SRGAP3: variants seen among roughly 807,000 people sequenced by gnomAD.
SRGAP3 encodes SLIT-ROBO Rho GTPase activating protein 3.
SRGAP3 carries 39 observed loss-of-function variants against 121.1 expected under a neutral mutation model. That is an observed-to-expected ratio of 0.32 (90% CI 0.25 to 0.42). The LOEUF is 0.42. Ranked by LOEUF, SRGAP3 falls within the 10% of genes least tolerant of loss-of-function variation. SRGAP3 has a pLI of 1.00. For synonymous variants in SRGAP3, 601 were observed against 570.0 expected (o/e 1.05, Z -0.77); for missense variants, 1,213 against 1,470.6 (o/e 0.82, Z 2.86).
chr3:9,286,113 AACACACACACACACACACACACAC>A (rs34023408), intron 3 of SRGAP3, among the ~76,000 whole-genome samples: 2 of 134,988 alleles, frequency 1.5e-5, no homozygotes, highest in African/African-American at 2.8e-5. Context: ...CCCTATCTCA[AACACACACACACACACACACACAC>A]ACACACACAC....
chr3:9,181,657 C>T (rs372457181), intron 1 of SRGAP3, among the ~76,000 whole-genome samples: 27 of 152,268 alleles, frequency 1.8e-4, no homozygotes, highest in African/African-American at 5.5e-4. Context: ...GAGGGTACAA[C>T]GCATCATAAC....
chr3:9,069,154 T>G (rs1205724561), intron 4 of SRGAP3, among the ~76,000 whole-genome samples: 1 of 152,150 alleles, frequency 6.6e-6, no homozygotes, highest in Non-Finnish European at 1.5e-5. Flanking sequence ...TACCCCTTTC[T>G]CAACTGTAAA....
At chr3:9,312,371 G>A (rs543057316) in intron 3 of SRGAP3, among the ~76,000 whole-genome samples, 3 of 152,300 alleles carry the variant, frequency 2.0e-5, no homozygotes, top group East Asian at 3.9e-4. Flanking sequence ...TGGCCAGGCT[G>A]GTCTCAAACT....
chr3:9,206,012 C>T lies in SRGAP3; in HGVS notation c.67+42873G>A, dbSNP rs888509936. 2.0e-5 allele frequency among the ~76,000 whole-genome samples: 3 copies of T among 152,072 alleles called. No individual in the cohort carries two copies. The East Asian group carries it at 5.8e-4, about 29-fold the overall frequency. On this transcript the variant is annotated intron_variant, in intron 1 of 21. Transcript: ENST00000383836. Reference sequence around the variant, plus strand: ...CTAGTATTTAATGGGTGCAGAGTTTCATTTGGGGAAGATGAAAAAGTTCTG... The same window carrying T: ...CTAGTATTTAATGGGTGCAGAGTTTTATTTGGGGAAGATGAAAAAGTTCTG...
intron 2 of SRGAP3, among the ~76,000 whole-genome samples, chr3:9,120,648 G>C (rs1012854406): frequency 7.9e-5 from 12 of 152,206 alleles, no homozygotes; most frequent in Non-Finnish European, 1.5e-4. Flanking sequence ...CTGTTGCTCA[G>C]TTTGCTTGAC....
intron 3 of SRGAP3, chr3:9,292,861 C>G (rs1264011564): frequency 6.6e-6 from 1 of 152,084 alleles, no homozygotes; most frequent in Non-Finnish European, 1.5e-5. Flanking sequence ...TTGGGACCAC[C>G]TGGTATATAT....
At chr3:9,191,053 A>G (rs556223663) in intron 1 of SRGAP3, among the ~76,000 whole-genome samples, 6 of 152,246 alleles carry the variant, frequency 3.9e-5, no homozygotes, top group East Asian at 3.9e-4. Context: ...CTACAGAAAA[A>G]AAAAGAAGTT....
At chr3:9,102,378 G>A (rs1157931424) in intron 3 of SRGAP3, among the ~76,000 whole-genome samples, 4 of 152,136 alleles carry the variant, frequency 2.6e-5, no homozygotes, top group Admixed American at 1.3e-4. Flanking sequence ...CAGCCACTCC[G>A]CCTCCTGCTG....
At chr3:9,278,385 T>C (rs1488383330) in intron 3 of SRGAP3, among the ~76,000 whole-genome samples, 2 of 152,198 alleles carry the variant, frequency 1.3e-5, no homozygotes, top group African/African-American at 2.4e-5. Flanking sequence ...ATGGCAAGAA[T>C]ATTAAGTCAA....
chr3:9,196,405 T>C (rs17050159), intron 1 of SRGAP3, among the ~76,000 whole-genome samples: 3,853 of 152,350 alleles, frequency 0.025, 172 homozygotes, highest in African/African-American at 0.088. Flanking sequence ...AAGGTCGTCT[T>C]TGGATCATTT....
At chr3:9,190,799 A>T (rs1951730793) in intron 1 of SRGAP3, among the ~76,000 whole-genome samples, 1 of 152,200 alleles carries the variant, frequency 6.6e-6, no homozygotes, top group African/African-American at 2.4e-5. Context: ...CCCTGGAAAC[A>T]ACTCCTGTGT....
chr3:8,998,767 A>G (rs1009184451), intron 18 of SRGAP3, among the ~76,000 whole-genome samples: 16 of 152,252 alleles, frequency 1.1e-4, no homozygotes, highest in African/African-American at 2.4e-4. Context: ...GCATGAACAA[A>G]TTAAGCTTTT....
At chr3:9,213,280 G>T (rs1463783332) in intron 1 of SRGAP3, among the ~76,000 whole-genome samples, 1 of 151,814 alleles carries the variant, frequency 6.6e-6, no homozygotes, top group African/African-American at 2.4e-5. Context: ...GTCAATAAAT[G>T]CTTGTTGATT....
chr3:9,104,548 T>C, intron 3 of SRGAP3, 132 bp downstream of exon 3: 2 of 1,238,430 alleles, frequency 1.6e-6, no homozygotes, highest in South Asian at 1.3e-5. Flanking sequence ...CCTCAGCCAC[T>C]TGCATCCTTC....
chr3:8,995,490 A>C (rs1201099326), intron 18 of SRGAP3, among the ~76,000 whole-genome samples: 1 of 152,100 alleles, frequency 6.6e-6, no homozygotes, highest in Non-Finnish European at 1.5e-5. Context: ...CAAACAAACA[A>C]AAGTTCTTGT....
intron 1 of SRGAP3, among the ~76,000 whole-genome samples, chr3:9,339,204 T>A (rs1426997733): frequency 6.6e-6 from 1 of 152,294 alleles, no homozygotes; most frequent in South Asian, 2.1e-4. Flanking sequence ...CCTACAAAAA[T>A]GTGATAAAAA....
chr3:9,027,965 G>T, intron 12 of SRGAP3: 1 of 1,033,492 alleles, frequency 9.7e-7, no homozygotes, highest in Non-Finnish European at 1.5e-6. Flanking sequence ...TTCTTTCCTT[G>T]ATTGACTGTG....
Position 8,993,160 on chromosome 3 carries a change from G to T in SRGAP3, c.2409-105C>A, listed in dbSNP as rs375345409. 180 of 1,564,670 alleles carry T rather than the reference G, an allele frequency of 1.2e-4. No individual in the cohort carries two copies. In the African/African-American group the frequency reaches 2.3e-3, roughly 20 times the overall value. On this transcript the variant is annotated intron_variant, in intron 19 of 21. Transcript: ENST00000383836. The stretch of plus-strand genomic sequence containing the variant: ...GAGGGGCTGAATTAACACAACTTAT[G>T]GTTACTTTGTGCCCACAGCGCTTGC...
At chr3:9,317,904 T>G (rs1167222558) in intron 3 of SRGAP3, among the ~76,000 whole-genome samples, 2 of 152,254 alleles carry the variant, frequency 1.3e-5, no homozygotes, top group African/African-American at 2.4e-5. Flanking sequence ...TCAGACTCAG[T>G]AAACATATTG....
Sources: gnomAD v4.1 joint callset for allele counts (sites outside exome capture counted in the v4.1 genomes callset) on GRCh38, gnomAD v4.1.1 for gene constraint, MANE v1.5 for transcripts, NCBI Gene and HGNC (gene_info 2026-07-23, HGNC 2026-07-21) for gene names.